Variants in FANCD2 observed in about 807,000 individuals in gnomAD.
FANCD2 encodes FA complementation group D2.
FANCD2 carries 131 observed loss-of-function variants against 192.3 expected under a neutral mutation model. That is an observed-to-expected ratio of 0.68 (90% CI 0.59 to 0.79). The LOEUF is 0.79. FANCD2 is among the 30% of genes least tolerant of loss of function. The probability of loss-of-function intolerance (pLI) is 0.00; values close to 1 mark genes in which losing one functional copy is unlikely to be tolerated. For synonymous variants in FANCD2, 524 were observed against 612.5 expected (o/e 0.86, Z 2.13); for missense variants, 1,508 against 1,701.6 (o/e 0.89, Z 2.00).
rs1693356805 is a variant in FANCD2 at position 10,073,344 on chromosome 3, T to C, written c.2697T>C (p.His899=). Residue 899 remains histidine, a synonymous_variant, in exon 28 of 44, where the codon CAT becomes CAC. Coordinates refer to ENST00000675286, the MANE Select transcript of FANCD2 (RefSeq NM_001018115.3). ...CAGAATGTGACCCTACGCCATCTCA[T>C]AGAGGCCAGCTAAACAAGGTATTGG... ...KNSECDPTPS[H]RGQLNKEFTG... 6.2e-6 allele frequency: 10 copies of C among 1,612,162 alleles called. No homozygotes were observed. The highest frequency in any genetic ancestry group is 8.5e-6 in the Non-Finnish European group (10 of 1,178,348).
At chr3:10,062,358 A>T in intron 20 of FANCD2, 147 bp downstream of exon 20, 4 of 666,112 alleles carry the variant, frequency 6.0e-6, no homozygotes. Context: ...CTCCTGCCTC[A>T]GCCTCCAGAG....
chr3:10,082,009 C>T (rs1442834641), intron 32 of FANCD2, among the ~76,000 whole-genome samples: 2 of 152,198 alleles, frequency 1.3e-5, no homozygotes, highest in Non-Finnish European at 2.9e-5. Context: ...CCTACCCAAG[C>T]TTAAATTTAG....
Position 10,062,221 on chromosome 3 carries a change from T to C in FANCD2, c.1827+10T>C, listed in dbSNP as rs1353560525. ...TGAGCAGTGCACACAGGTGAGTTCT[T>C]TTTTTCCTTTCTTTCTTTTTCCTGT... On this transcript the variant is annotated intron_variant, in intron 20 of 43. Transcript: ENST00000675286. 1 of 1,611,324 alleles carries C rather than the reference T, an allele frequency of 6.2e-7. No homozygotes were observed. Among genetic ancestry groups the C allele is most frequent in the East Asian group, 2.2e-5 (1 of 44,850 alleles).
intron 18 of FANCD2, among the ~76,000 whole-genome samples, chr3:10,054,363 A>G (rs549223151): frequency 1.2e-4 from 13 of 109,266 alleles, no homozygotes; most frequent in African/African-American, 7.3e-4. Flanking sequence ...GTATATATAT[A>G]TATACGTGTA....
chr3:10,075,967 G>A (rs953364657), intron 29 of FANCD2, among the ~76,000 whole-genome samples: 1 of 151,360 alleles, frequency 6.6e-6, no homozygotes, highest in Non-Finnish European at 1.5e-5. Context: ...TCCTGACCTC[G>A]TGATCCGCCC....
chr3:10,075,569 G>A (rs1693487035), intron 29 of FANCD2, among the ~76,000 whole-genome samples: 1 of 152,164 alleles, frequency 6.6e-6, no homozygotes, highest in South Asian at 2.1e-4. Context: ...TGTTTATATA[G>A]AAGTTGGGAG....
Position 10,034,324 on chromosome 3 carries a change from C to CAAAA in FANCD2, c.206-127_206-124dup, listed in dbSNP as rs879221957. 0.073 allele frequency: 29,906 copies of CAAAA among 408,418 alleles called. 1,325 individuals carry two copies. Among genetic ancestry groups the CAAAA allele is most frequent in the African/African-American group, 0.26 (5,938 of 22,876 alleles). The allele number at this position is 408,418 out of a possible 1,614,324, so 25.3% of individuals were successfully genotyped here. A position where few individuals can be genotyped will look rare whatever the true frequency, so the allele number is the denominator to read the frequency against. ...TAGGCAACAGAACAAAACTCCATCT[C>CAAAA]AAAAAAAAAAAAAAAAAAAAAGATT... On this transcript the variant is annotated intron_variant, in intron 3 of 43. Coordinates refer to ENST00000675286, the MANE Select transcript of FANCD2 (RefSeq NM_001018115.3).
rs7640863 is a variant in FANCD2, at chr3:10,079,179, C to T, written c.2976+982C>T. ...GACTTGATTGAACCCAGGAGGCAGA[C>T]GCTGCAGTGAACCAAGATCATGCTA... On this transcript the variant is annotated intron_variant, in intron 30 of 43. Transcript: ENST00000675286. Among the ~76,000 whole-genome samples the T allele has an allele frequency of 1.1e-3, 159 of 151,222 alleles. 1 individual carries two copies. Among genetic ancestry groups the T allele is most frequent in the Middle Eastern group, 6.9e-3 (2 of 288 alleles).
chr3:10,087,293 T>A (rs1273130834), intron 34 of FANCD2, 29 bp downstream of exon 34: 1 of 1,585,558 alleles, frequency 6.3e-7, no homozygotes, highest in Non-Finnish European at 8.5e-7. Flanking sequence ...TTTTTTTTTT[T>A]TTTTTTTAAT....
At chr3:10,064,969 T>A in intron 23 of FANCD2, 94 bp downstream of exon 23, 3 of 1,360,280 alleles carry the variant, frequency 2.2e-6, no homozygotes, top group Non-Finnish European at 3.2e-6. Context: ...TCAAAAAAGT[T>A]TCTCTCGAGA....
At chr3:10,044,929 A>G (rs2086959239) in intron 14 of FANCD2, among the ~76,000 whole-genome samples, 1 of 152,078 alleles carries the variant, frequency 6.6e-6, no homozygotes, top group South Asian at 2.1e-4. Context: ...CTCCTGTCAT[A>G]AATATTTCAA....
Position 10,060,331 on chromosome 3 carries a change from G to A in FANCD2, c.1694G>A (p.Ser565Asn). The A allele has an allele frequency of 6.2e-7, 1 of 1,613,002 alleles. No individual in the cohort carries two copies. Among genetic ancestry groups the A allele is most frequent in the Non-Finnish European group, 8.5e-7 (1 of 1,179,990 alleles). The part of the protein sequence containing the change: ...MHLVIRKQLS[S>N]TVFKYKLIGI... ...TTGGTGATAAGAAAGCAGCTCTCTA[G>A]CACCGTATTCAAGTACAAGCTCATT... Residue 565 changes from serine (S) to asparagine (N), a missense_variant, in exon 19 of 44, where the codon AGC (serine) becomes AAC (asparagine). This residue lies in a region of FANCD2 where 110 missense variants were observed against 114.4 expected (regional missense o/e 0.96). Coordinates refer to ENST00000675286, the MANE Select transcript of FANCD2 (RefSeq NM_001018115.3).
At chr3:10,093,911 A>G (rs1438817415) in intron 39 of FANCD2, among the ~76,000 whole-genome samples, 1 of 152,136 alleles carries the variant, frequency 6.6e-6, no homozygotes, top group Non-Finnish European at 1.5e-5. Context: ...GAGAGGAGTC[A>G]TTTATCTGAT....
chr3:10,054,465 A>ATG (rs2087338130), intron 18 of FANCD2, among the ~76,000 whole-genome samples: 1 of 23,514 alleles, frequency 4.3e-5, no homozygotes, highest in Non-Finnish European at 7.6e-5. Context: ...ATATATATAT[A>ATG]TATATATATT....
chr3:10,064,146 A>T (rs186528371), intron 21 of FANCD2, among the ~76,000 whole-genome samples: 1 of 152,224 alleles, frequency 6.6e-6, no homozygotes, highest in South Asian at 2.1e-4. Context: ...GATGGCTATT[A>T]TCTGTCTGAG....
chr3:10,095,125 T>G, intron 40 of FANCD2, 75 bp from the exon 41 acceptor site: 1 of 1,273,370 alleles, frequency 7.9e-7, no homozygotes, highest in Non-Finnish European at 1.1e-6. Context: ...TTGGAGCTTT[T>G]GATTGCAAGG....
chr3:10,073,730 T>C (rs1315166968), intron 28 of FANCD2, among the ~76,000 whole-genome samples: 4 of 152,182 alleles, frequency 2.6e-5, no homozygotes, highest in African/African-American at 4.8e-5. Flanking sequence ...GCCACATGGA[T>C]CCCAATTATT....
At chr3:10,066,923 C>T (rs1167540299) in intron 25 of FANCD2, among the ~76,000 whole-genome samples, 4 of 152,100 alleles carry the variant, frequency 2.6e-5, no homozygotes, top group Non-Finnish European at 4.4e-5. Context: ...TGGGCTTTCA[C>T]CATGTTGGCC....
chr3:10,042,679 C>T lies in FANCD2; in HGVS notation c.888+16C>T, dbSNP rs2086895356. 3 of 1,593,556 alleles carry T rather than the reference C, an allele frequency of 1.9e-6. No homozygotes were observed. The highest frequency in any genetic ancestry group is 1.7e-5 in the Admixed American group (1 of 59,988). ...TACACTTGAGGTATGCTCTTATATC[C>T]CATCACACCTAGATAAAGCAACTTA... On this transcript the variant is annotated intron_variant, in intron 11 of 43. Transcript: ENST00000675286.
Sources: allele counts gnomAD v4.1 joint callset (sites outside exome capture counted in the v4.1 genomes callset), GRCh38; gene constraint gnomAD v4.1.1; regional missense constraint gnomAD v4.1.1; transcripts MANE v1.5; gene names NCBI Gene and HGNC (gene_info 2026-07-23, HGNC 2026-07-21).